The following TRMT11 variants were observed in gnomAD, a reference collection of about 807,000 sequenced individuals.
The protein encoded by TRMT11 is tRNA (guanine(10)-N(2))-methyltransferase TRMT11.
A neutral mutation model predicts 62.8 loss-of-function variants in TRMT11; 53 were observed. That is an observed-to-expected ratio of 0.84 (90% CI 0.68 to 1.06). TRMT11 has a LOEUF of 1.06. Ranked by LOEUF, TRMT11 falls within the 50% of genes least tolerant of loss-of-function variation. The pLI, the probability that TRMT11 is intolerant of heterozygous loss-of-function variation, is 0.00. For missense variants in TRMT11, 556 were observed against 553.4 expected, an observed-to-expected ratio of 1.00 and a Z score of -0.05; for synonymous variants, 188 against 190.3, an observed-to-expected ratio of 0.99 and a Z score of 0.10.
chr6:126,026,802 GTTTTTTTTTT>G (rs1222722212), intron 12 of TRMT11, among the ~76,000 whole-genome samples: 2 of 121,732 alleles, frequency 1.6e-5, no homozygotes, highest in African/African-American at 6.6e-5. Context: ...GGTTTTTTGG[GTTTTTTTTTT>G]TTTTTTTTGA....
At chr6:126,190,475 T>C (rs1444910390) in intron 1 of TRMT11, among the ~76,000 whole-genome samples, 1 of 152,166 alleles carries the variant, frequency 6.6e-6, no homozygotes, top group Non-Finnish European at 1.5e-5. Context: ...TGACTGTAAG[T>C]TTCCTGAGGC....
intron 17 of TRMT11, among the ~76,000 whole-genome samples, chr6:126,075,167 C>T (rs1265943375): frequency 1.3e-5 from 2 of 152,106 alleles, no homozygotes; most frequent in Non-Finnish European, 2.9e-5. Flanking sequence ...TGCAGGATAC[C>T]TTGAAACAAC....
chr6:125,986,541 G>A lies in TRMT11; in HGVS notation c.-10G>A. 1 of 1,582,952 alleles carries A rather than the reference G, an allele frequency of 6.3e-7. No individual in the cohort carries two copies. The highest frequency in any genetic ancestry group is 8.6e-7 in the Non-Finnish European group (1 of 1,167,308). On this transcript the variant is annotated 5_prime_UTR_variant, in exon 1 of 13. Coordinates refer to ENST00000334379, the MANE Select transcript of TRMT11 (RefSeq NM_001031712.3). ...GCGCGGGCCGCGCAGGCGCACGGTG[G>A]GCAGCTGCAATGGCGCTGTCGTGTA...
chr6:126,154,873 G>A (rs943212497), intron 21 of TRMT11, among the ~76,000 whole-genome samples: 11 of 152,082 alleles, frequency 7.2e-5, no homozygotes, highest in African/African-American at 9.7e-5. Flanking sequence ...ACTGATGCTC[G>A]TGCACCCTTG....
chr6:125,989,124 CTTTTTTTTTTT>C (rs971479523), intron 1 of TRMT11, among the ~76,000 whole-genome samples: 11 of 94,426 alleles, frequency 1.2e-4, no homozygotes, highest in Non-Finnish European at 1.3e-4. Context: ...AGTTTGGATT[CTTTTTTTTTTT>C]TTTTTTTTTT....
chr6:126,071,059 T>G (rs1776837060), intron 17 of TRMT11, among the ~76,000 whole-genome samples: 1 of 152,162 alleles, frequency 6.6e-6, no homozygotes, highest in African/African-American at 2.4e-5. Flanking sequence ...AGGGAGCAAG[T>G]GAGTGTCATG....
At chr6:126,014,544 C>T (rs761776219) in intron 11 of TRMT11, among the ~76,000 whole-genome samples, 50 of 152,302 alleles carry the variant, frequency 3.3e-4, no homozygotes, top group Admixed American at 1.0e-3. Context: ...CCACCGTGTC[C>T]GGCCAATTCC....
chr6:126,035,705 T>A (rs980191338), intron 12 of TRMT11, among the ~76,000 whole-genome samples: 1 of 152,084 alleles, frequency 6.6e-6, no homozygotes, highest in African/African-American at 2.4e-5. Context: ...CAGAAAAGAA[T>A]GTCTTAAGTA....
chr6:126,163,056 C>G (rs1235238678), intron 21 of TRMT11, among the ~76,000 whole-genome samples: 1 of 152,088 alleles, frequency 6.6e-6, no homozygotes, highest in Non-Finnish European at 1.5e-5. Flanking sequence ...TTATTTTGTT[C>G]TCTTGCCTGT....
chr6:126,129,368 A>G (rs2128205385), intron 21 of TRMT11, among the ~76,000 whole-genome samples: 1 of 152,192 alleles, frequency 6.6e-6, no homozygotes, highest in South Asian at 2.1e-4. Flanking sequence ...GATGTGGAAT[A>G]CTCACTAATG....
chr6:126,048,648 G>A (rs546140947), intron 16 of TRMT11, among the ~76,000 whole-genome samples: 11 of 152,232 alleles, frequency 7.2e-5, no homozygotes, highest in African/African-American at 2.6e-4. Context: ...CAACACATCC[G>A]CTGTTATAGA....
chr6:125,989,777 G>C (rs1790300224), intron 1 of TRMT11, among the ~76,000 whole-genome samples: 1 of 152,046 alleles, frequency 6.6e-6, no homozygotes, highest in East Asian at 1.9e-4. Context: ...AAAATCTTTA[G>C]TCGGGCATTC....
chr6:126,018,711 T>C (rs761129996), intron 11 of TRMT11, among the ~76,000 whole-genome samples: 1 of 151,972 alleles, frequency 6.6e-6, no homozygotes, highest in Non-Finnish European at 1.5e-5. Flanking sequence ...TTTAAATAGA[T>C]AACTTGGATT....
chr6:126,045,308 G>A (rs1386366005), intron 16 of TRMT11, among the ~76,000 whole-genome samples: 1 of 152,174 alleles, frequency 6.6e-6, no homozygotes, highest in African/African-American at 2.4e-5. Context: ...TCAGGCGCTT[G>A]CAATAGAGCA....
chr6:126,158,887 C>T (rs1778153060), intron 21 of TRMT11, among the ~76,000 whole-genome samples: 1 of 152,182 alleles, frequency 6.6e-6, no homozygotes, highest in Non-Finnish European at 1.5e-5. Flanking sequence ...TTCTCAGCTA[C>T]CACGTGGCAT....
chr6:126,116,141 C>T (rs942681969), intron 21 of TRMT11, among the ~76,000 whole-genome samples: 1 of 151,086 alleles, frequency 6.6e-6, no homozygotes, highest in Non-Finnish European at 1.5e-5. Flanking sequence ...TCTCATTTAA[C>T]AACCAGTGCT....
At chr6:126,269,748 T>C in the TRMT11 span, among the ~76,000 whole-genome samples, 1 of 152,206 alleles carries the variant, frequency 6.6e-6, no homozygotes, top group Admixed American at 6.5e-5. Flanking sequence ...TATGAAGTGA[T>C]AGGAAGTTAT....
the TRMT11 span, among the ~76,000 whole-genome samples, chr6:126,256,217 A>G: frequency 6.6e-6 from 1 of 152,194 alleles, no homozygotes; most frequent in Non-Finnish European, 1.5e-5. Flanking sequence ...GAGCAATCCA[A>G]TAGGTCAGAG....
In TRMT11 at chr6:126,012,956, TTTTC is replaced by T. The variant is rs761746209; in HGVS notation, c.1008-10_1008-7del. Reference sequence around the variant, plus strand: ...ATTTTTCACTGATTTTGAAATTTTCTTTTCTTTGTGTAGTCCAGAAAGCCATGTT... The same window carrying T: ...ATTTTTCACTGATTTTGAAATTTTCTTTTGTGTAGTCCAGAAAGCCATGTT... On this transcript the variant is annotated splice_polypyrimidine_tract_variant and intron_variant, in intron 10 of 12. Coordinates refer to ENST00000334379, the MANE Select transcript of TRMT11 (RefSeq NM_001031712.3). 1.9e-6 allele frequency: 3 copies of T among 1,608,262 alleles called. No homozygotes were observed. Among genetic ancestry groups the T allele is most frequent in the East Asian group, 2.2e-5 (1 of 44,794 alleles).
Sources: allele counts gnomAD v4.1 joint callset (sites outside exome capture counted in the v4.1 genomes callset), GRCh38; gene constraint gnomAD v4.1.1; transcripts MANE v1.5; gene names NCBI Gene and HGNC (gene_info 2026-07-23, HGNC 2026-07-21).